The following SLC25A33 variants were observed in gnomAD, a reference collection of about 807,000 sequenced individuals.
SLC25A33 encodes bone marrow stromal cell mitochondrial carrier protein.
SLC25A33 carries 15 observed loss-of-function variants against 35.5 expected under a neutral mutation model. That is an observed-to-expected ratio of 0.42 (90% CI 0.28 to 0.65). The LOEUF (loss-of-function observed/expected upper bound fraction) is 0.65, where lower values mean the gene tolerates loss of function less well. Ranked by LOEUF, SLC25A33 falls within the 30% of genes least tolerant of loss-of-function variation. SLC25A33 has a pLI of 0.20. For missense variants in SLC25A33, 257 were observed against 398.5 expected, an observed-to-expected ratio of 0.64 and a Z score of 3.02; for synonymous variants, 136 against 148.7, an observed-to-expected ratio of 0.91 and a Z score of 0.62.
At chr1:9,561,418 A>G (rs1557530189) in intron 2 of SLC25A33, among the ~76,000 whole-genome samples, 1 of 150,174 alleles carries the variant, frequency 6.7e-6, no homozygotes, top group Non-Finnish European at 1.5e-5. Flanking sequence ...CAAGACCCTG[A>G]TTTTTTTTTT....
chr1:9,559,007 C>T (rs1374696441), intron 2 of SLC25A33, among the ~76,000 whole-genome samples: 1 of 152,174 alleles, frequency 6.6e-6, no homozygotes, highest in Non-Finnish European at 1.5e-5. Context: ...CCTCTCCAGC[C>T]TCCTTTTTGT....
At chr1:9,553,215 T>TTTTTTTTTTTG (rs1643293050) in intron 1 of SLC25A33, among the ~76,000 whole-genome samples, 1 of 135,628 alleles carries the variant, frequency 7.4e-6, no homozygotes, top group East Asian at 2.3e-4. Context: ...TTTTTTTTTT[T>TTTTTTTTTTTG]TTTTTTTTTT....
chr1:9,539,812 C>G (rs1029686259), intron 1 of SLC25A33, 65 bp downstream of exon 1: 1 of 1,256,476 alleles, frequency 8.0e-7, no homozygotes, highest in African/African-American at 1.6e-5. Context: ...TCGCCCCGGG[C>G]GCGGCCCCAG....
chr1:9,561,428 T>C (rs1177207372), intron 2 of SLC25A33, among the ~76,000 whole-genome samples: 5 of 152,122 alleles, frequency 3.3e-5, no homozygotes, highest in African/African-American at 9.7e-5. Flanking sequence ...ATTTTTTTTT[T>C]CCATTTTTTT....
intron 5 of SLC25A33, among the ~76,000 whole-genome samples, chr1:9,573,803 T>C (rs1232572579): frequency 6.6e-6 from 1 of 152,178 alleles, no homozygotes; most frequent in Admixed American, 6.5e-5. Flanking sequence ...TCCTCAGACC[T>C]CAGAGGGCTA....
At chr1:9,546,176 T>A (rs1643165526) in intron 1 of SLC25A33, among the ~76,000 whole-genome samples, 1 of 83,420 alleles carries the variant, frequency 1.2e-5, no homozygotes, top group Non-Finnish European at 2.3e-5. Context: ...ACAGAGAAAT[T>A]TTTTTTTTTT....
At chr1:9,570,128 G>A (rs1013843242) in intron 3 of SLC25A33, 130 bp from the exon 4 acceptor site, 11 of 722,672 alleles carry the variant, frequency 1.5e-5, no homozygotes, top group African/African-American at 7.2e-5. Context: ...TAGCACAGGC[G>A]AGGACAAGCT....
intron 1 of SLC25A33, among the ~76,000 whole-genome samples, chr1:9,545,098 T>TAGAA (rs979241915): frequency 6.6e-5 from 10 of 152,220 alleles, no homozygotes; most frequent in Admixed American, 3.3e-4. Context: ...GTAAAAGGAT[T>TAGAA]AGAAGGTTAA....
At chr1:9,567,208 A>G in intron 2 of SLC25A33, 76 bp from the exon 3 acceptor site, 2 of 1,204,926 alleles carry the variant, frequency 1.7e-6, no homozygotes, top group Middle Eastern at 1.9e-4. Context: ...GGAACTAATG[A>G]GAAGGTTGAC....
intron 1 of SLC25A33, among the ~76,000 whole-genome samples, chr1:9,550,012 T>TATG (rs55887722): frequency 3.0e-5 from 1 of 33,844 alleles, no homozygotes; most frequent in Non-Finnish European, 6.6e-5. Context: ...TATATATATA[T>TATG]TTTTTTTTTT....
Position 9,550,014 on chromosome 1 carries a change from T to G in SLC25A33, c.57-3612T>G, listed in dbSNP as rs1486239057. On this transcript the variant is annotated intron_variant, in intron 1 of 6. Coordinates refer to ENST00000302692, the MANE Select transcript of SLC25A33 (RefSeq NM_032315.3). ...TTCTATACATATATATATATATATT[T>G]TTTTTTTTTTTTTTTTTTTTTTTTG... Among the ~76,000 whole-genome samples the G allele has an allele frequency of 4.5e-3, 412 of 91,626 alleles. 26 individuals carry two copies. The highest frequency in any genetic ancestry group is 0.019 in the African/African-American group (392 of 20,584). The allele number at this position is 91,626 out of a possible 152,430, so 60.1% of individuals were successfully genotyped here.
At chr1:9,564,385 A>G (rs896297569) in intron 2 of SLC25A33, among the ~76,000 whole-genome samples, 1 of 152,176 alleles carries the variant, frequency 6.6e-6, no homozygotes, top group Non-Finnish European at 1.5e-5. Context: ...AAAATTAGGC[A>G]TAGGATTACC....
At chr1:9,563,460 G>C (rs1446113233) in intron 2 of SLC25A33, among the ~76,000 whole-genome samples, 7 of 152,150 alleles carry the variant, frequency 4.6e-5, no homozygotes, top group Non-Finnish European at 8.8e-5. Context: ...TCTGAGGAAG[G>C]AGAGCTGGAA....
At chr1:9,565,708 C>G (rs1197034312) in intron 2 of SLC25A33, among the ~76,000 whole-genome samples, 1 of 146,774 alleles carries the variant, frequency 6.8e-6, no homozygotes, top group East Asian at 2.1e-4. Context: ...GAAACCCCGT[C>G]TTTACTAAAA....
intron 1 of SLC25A33, among the ~76,000 whole-genome samples, chr1:9,544,859 T>C (rs1643144231): frequency 6.6e-6 from 1 of 152,222 alleles, no homozygotes; most frequent in South Asian, 2.1e-4. Context: ...GAGGCTGTTG[T>C]TGAAGACAGT....
At chr1:9,581,621 C>T (rs1462040701) in intron 6 of SLC25A33, among the ~76,000 whole-genome samples, 1 of 151,114 alleles carries the variant, frequency 6.6e-6, no homozygotes, top group Non-Finnish European at 1.5e-5. Context: ...CCCAGCTACT[C>T]AGGAGGCTGA....
At chr1:9,570,183 T>G in intron 3 of SLC25A33, 75 bp from the exon 4 acceptor site, 1 of 1,350,484 alleles carries the variant, frequency 7.4e-7, no homozygotes, top group Non-Finnish European at 1.0e-6. Flanking sequence ...TTCCGAAAAT[T>G]TTTCAGGTGT....
Position 9,539,516 on chromosome 1 carries a change from G to T in SLC25A33, c.-176G>T, listed in dbSNP as rs1001203542. On this transcript the variant is annotated 5_prime_UTR_variant, in exon 1 of 7. Coordinates refer to ENST00000302692, the MANE Select transcript of SLC25A33 (RefSeq NM_032315.3). Reference sequence around the variant, plus strand: ...AGGCCGGTGAGGCGCCGGCGGCCACGCCGCGGAAGGCGCGGGCCGAGCAGA... The same window carrying T: ...AGGCCGGTGAGGCGCCGGCGGCCACTCCGCGGAAGGCGCGGGCCGAGCAGA... 49 of 294,676 alleles carry T rather than the reference G, an allele frequency of 1.7e-4. No individual in the cohort carries two copies. The highest frequency in any genetic ancestry group is 1.0e-3 in the African/African-American group (45 of 44,430). The allele number at this position is 294,676 out of a possible 1,614,324, so 18.3% of individuals were successfully genotyped here. A position where few individuals can be genotyped will look rare whatever the true frequency, so the allele number is the denominator to read the frequency against.
chr1:9,564,736 AAAAATATATAT>A (rs1557531604), intron 2 of SLC25A33, among the ~76,000 whole-genome samples: 2 of 81,960 alleles, frequency 2.4e-5, no homozygotes, highest in African/African-American at 9.7e-5. Context: ...AAAAAAAAAA[AAAAATATATAT>A]ATATATATAT....
Sources: gnomAD v4.1 joint callset for allele counts (sites outside exome capture counted in the v4.1 genomes callset) on GRCh38, gnomAD v4.1.1 for gene constraint, MANE v1.5 for transcripts, NCBI Gene and HGNC (gene_info 2026-07-23, HGNC 2026-07-21) for gene names.